POTEE: variants seen among roughly 807,000 people sequenced by gnomAD.
POTEE encodes ANKRD26-like family C member 1A.
Under a neutral mutation model 74.2 loss-of-function variants are expected in POTEE, and 21 were observed. The ratio of observed to expected loss-of-function variants is 0.28; its 90% CI spans 0.20 to 0.41. The LOEUF is 0.41. Among genes scored for constraint, POTEE ranks in the 10% least tolerant of loss-of-function variants. The pLI is 1.00. For synonymous variants in POTEE, 211 were observed against 432.8 expected (o/e 0.49, Z 6.36); for missense variants, 525 against 1,158.6 (o/e 0.45, Z 7.94).
At chr2:131,230,620 C>T (rs1021869358) in intron 8 of POTEE, among the ~76,000 whole-genome samples, 4 of 151,956 alleles carry the variant, frequency 2.6e-5, no homozygotes, top group Non-Finnish European at 5.9e-5. Context: ...GTCACAGTGC[C>T]CTCGATTTAT....
intron 16 of POTEE, among the ~76,000 whole-genome samples, 194 bp downstream of exon 16, chr2:131,253,293 A>G (rs1435401324): frequency 2.7e-5 from 4 of 149,518 alleles, no homozygotes; most frequent in East Asian, 2.0e-4. Context: ...TTGAAAAATA[A>G]CCAGTATTGG....
chr2:131,263,807 G>A lies in POTEE; in HGVS notation c.2352G>A (p.Lys784=), dbSNP rs991541252. 3 of 1,613,976 alleles carry A rather than the reference G, an allele frequency of 1.9e-6. No homozygotes were observed. Among genetic ancestry groups the A allele is most frequent in the Non-Finnish European group, 2.5e-6 (3 of 1,180,022 alleles). Residue 784 remains lysine, a synonymous_variant, in exon 18 of 18, where the codon AAG becomes AAA. Coordinates refer to ENST00000683005, the MANE Select transcript of POTEE (RefSeq NM_001083538.3). ...TCACCAACTGGGATGACATGGAGAAGATCTGGCACCACACCTTCTACAACG... is the reference window on the plus strand; with the variant it reads ...TCACCAACTGGGATGACATGGAGAAAATCTGGCACCACACCTTCTACAACG... ...GIITNWDDME[K]IWHHTFYNEL...
At chr2:131,211,941 C>A (rs556550787) in intron 2 of POTEE, among the ~76,000 whole-genome samples, 6 of 151,598 alleles carry the variant, frequency 4.0e-5, no homozygotes, top group African/African-American at 1.5e-4. Flanking sequence ...TCATAATAGG[C>A]CTTCTAATTC....
chr2:131,243,247 C>T (rs1701282357), intron 12 of POTEE, among the ~76,000 whole-genome samples: 1 of 152,098 alleles, frequency 6.6e-6, no homozygotes, highest in Admixed American at 6.5e-5. Flanking sequence ...CTTTGATATA[C>T]AAATAAAAGG....
At position 131,211,032 on chromosome 2, in the gene POTEE, T is replaced by A. The variant is rs970006984; in HGVS notation, c.-340T>A. On this transcript the variant is annotated 5_prime_UTR_variant, in exon 2 of 18. Transcript: ENST00000683005. ...ACTCCCTGCATCCCATTCTAGGCTT[T>A]TCTGGCTTTGCCGGTCTAGCTGCTC... Among the ~76,000 whole-genome samples the A allele has an allele frequency of 1.1e-4, 16 of 150,618 alleles. No homozygotes were observed. The highest frequency in any genetic ancestry group is 3.7e-4 in the African/African-American group (15 of 40,010).
chr2:131,222,281 C>T (rs1700643971), intron 4 of POTEE, among the ~76,000 whole-genome samples: 1 of 152,226 alleles, frequency 6.6e-6, no homozygotes, highest in African/African-American at 2.4e-5. Flanking sequence ...TGTTGAAAGC[C>T]ATTATCCTTA....
intron 4 of POTEE, among the ~76,000 whole-genome samples, chr2:131,219,516 C>T (rs183644503): frequency 2.0e-5 from 3 of 152,050 alleles, no homozygotes; most frequent in African/African-American, 4.8e-5. Context: ...GGGCGGATCA[C>T]GAGGTCAGGA....
intron 1 of POTEE, among the ~76,000 whole-genome samples, chr2:131,210,401 G>A (rs1282432442): frequency 1.1e-4 from 17 of 149,792 alleles, no homozygotes; most frequent in Non-Finnish European, 2.4e-4. Context: ...CTGTCCGGGG[G>A]CTACACTGCC....
chr2:131,224,383 A>G (rs1276077676), intron 6 of POTEE, among the ~76,000 whole-genome samples: 1 of 145,782 alleles, frequency 6.9e-6, no homozygotes, highest in East Asian at 2.1e-4. Flanking sequence ...AATAGGTTTT[A>G]CATGAAAACT....
rs757093307 is a variant in POTEE, at chr2:131,263,916, C to G, written c.2461C>G (p.Gln821Glu). 5 of 1,614,186 alleles carry G rather than the reference C, an allele frequency of 3.1e-6. No individual in the cohort carries two copies. The highest frequency in any genetic ancestry group is 3.4e-6 in the Non-Finnish European group (4 of 1,180,018). ...NPKANREKMTQIMFETFNTPA... is the reference protein window; with the variant it reads ...NPKANREKMTEIMFETFNTPA... ...CAAGGCCAACCGCGAGAAGATGACC[C>G]AGATCATGTTTGAGACCTTCAACAC... Residue 821 changes from glutamine to glutamate, a missense_variant, in exon 18 of 18, where the codon CAG becomes GAG. Coordinates refer to ENST00000683005, the MANE Select transcript of POTEE (RefSeq NM_001083538.3).
In POTEE at chr2:131,217,769, GCACGCCGCACGC is replaced by G. The variant is rs1700479142; in HGVS notation, c.-94+87_-94+98del. ...ACGCCGCACGCCGCACGCCGCACGC[GCACGCCGCACGC>G]GCACGCGCACGCCCGGCAGCAGCTT... On this transcript the variant is annotated intron_variant, in intron 3 of 17. Transcript: ENST00000683005. 4.8e-5 allele frequency among the ~76,000 whole-genome samples: 7 copies of G among 147,336 alleles called. No individual in the cohort carries two copies. The East Asian group carries it at 1.0e-3, about 21-fold the overall frequency.
intron 2 of POTEE, among the ~76,000 whole-genome samples, chr2:131,214,160 GT>G (rs550720234): frequency 5.3e-4 from 80 of 152,288 alleles, no homozygotes; most frequent in African/African-American, 1.9e-3. Flanking sequence ...AGAAACCTCT[GT>G]TTTCCTCATG....
chr2:131,224,782 G>C (rs1436748307), intron 6 of POTEE, among the ~76,000 whole-genome samples: 1 of 151,422 alleles, frequency 6.6e-6, no homozygotes, highest in Non-Finnish European at 1.5e-5. Flanking sequence ...CAGATTGGCA[G>C]TGAATAGGTG....
chr2:131,237,228 G>A (rs1468513301), intron 10 of POTEE, among the ~76,000 whole-genome samples: 1 of 149,662 alleles, frequency 6.7e-6, no homozygotes, highest in South Asian at 2.1e-4. Flanking sequence ...TTAAGCAATA[G>A]AATTATGAAC....
chr2:131,232,774 T>C (rs1411820621), intron 9 of POTEE, among the ~76,000 whole-genome samples: 2 of 151,860 alleles, frequency 1.3e-5, no homozygotes, highest in African/African-American at 4.9e-5. Flanking sequence ...TGACAGTGTT[T>C]TATTCACGTC....
intron 17 of POTEE, among the ~76,000 whole-genome samples, chr2:131,262,844 G>A (rs1299142764): frequency 0.02 from 3,042 of 151,812 alleles, 6 homozygotes; most frequent in African/African-American, 0.067. Flanking sequence ...GTAGAATATC[G>A]GTAAAACGTT....
rs1428573361 is a variant in POTEE, at chr2:131,209,779, C to A, written c.-385C>A. Among the ~76,000 whole-genome samples the A allele has an allele frequency of 6.6e-6, 1 of 152,196 alleles. No homozygotes were observed. ...TGCTGTGTTTGGTGGTGACGTGGGA[C>A]ACTGCAGCTCGGCCAGAGTGGTAGA... is the stretch of plus-strand genomic sequence containing the variant. On this transcript the variant is annotated 5_prime_UTR_variant, in exon 1 of 18. Coordinates refer to ENST00000683005, the MANE Select transcript of POTEE (RefSeq NM_001083538.3).
At chr2:131,215,717 C>CG (rs1700431945) in intron 2 of POTEE, among the ~76,000 whole-genome samples, 1 of 131,856 alleles carries the variant, frequency 7.6e-6, no homozygotes, top group Non-Finnish European at 1.6e-5. Flanking sequence ...TCCTGGTTTG[C>CG]ATTGATAGGT....
At chr2:131,214,939 C>T (rs1027702976) in intron 2 of POTEE, among the ~76,000 whole-genome samples, 3 of 149,498 alleles carry the variant, frequency 2.0e-5, no homozygotes, top group Non-Finnish European at 3.0e-5. Context: ...AGACTCTGCA[C>T]CTGGTATGCA....
Sources: gnomAD v4.1 joint callset for allele counts (sites outside exome capture counted in the v4.1 genomes callset) on GRCh38, gnomAD v4.1.1 for gene constraint, MANE v1.5 for transcripts, NCBI Gene and HGNC (gene_info 2026-07-23, HGNC 2026-07-21) for gene names.